Variants in CIAO2A observed in about 807,000 individuals in gnomAD.
The protein encoded by CIAO2A is MIP18 family protein FAM96A.
CIAO2A carries 17 observed loss-of-function variants against 22.4 expected under a neutral mutation model. The ratio of observed to expected loss-of-function variants is 0.76; its 90% CI spans 0.52 to 1.14. The LOEUF (loss-of-function observed/expected upper bound fraction) is 1.14. Ranked by LOEUF, CIAO2A falls within the 50% of genes most tolerant of loss-of-function variation. The pLI is 0.00. For synonymous variants in CIAO2A, 74 were observed against 72.3 expected, an observed-to-expected ratio of 1.02 and a Z score of -0.12; for missense variants, 192 against 191.4, an observed-to-expected ratio of 1.00 and a Z score of -0.02.
rs1341295336 is a variant in CIAO2A, at chr15:64,072,766, C to T, written c.*165G>A. The T allele has an allele frequency of 2.1e-6, 1 of 476,600 alleles. No homozygotes were observed. The highest frequency in any genetic ancestry group is 3.7e-6 in the Non-Finnish European group (1 of 268,792). 29.5% of individuals were successfully genotyped at this position (476,600 alleles called of 1,614,324 possible). A position where few individuals can be genotyped will look rare whatever the true frequency, so the allele number is the denominator to read the frequency against. ...AATCCTGAGAATGTTATACATTGAA[C>T]AAATTAGGTACTACCTTATAATTAA... is the stretch of plus-strand genomic sequence containing the variant. On this transcript the variant is annotated 3_prime_UTR_variant, in exon 5 of 5. Transcript: ENST00000300030.
At chr15:64,079,569 G>A (rs1567305532) in intron 3 of CIAO2A, among the ~76,000 whole-genome samples, 1 of 152,112 alleles carries the variant, frequency 6.6e-6, no homozygotes. Context: ...CATATGAGAT[G>A]GGAGGAAGGG....
At chr15:64,089,214 T>C (rs1382746846) in intron 1 of CIAO2A, among the ~76,000 whole-genome samples, 5 of 152,142 alleles carry the variant, frequency 3.3e-5, no homozygotes, top group Admixed American at 2.0e-4. Context: ...AACATTTCAA[T>C]ATTTGACATT....
chr15:64,091,943 C>T (rs1292444979), intron 1 of CIAO2A, among the ~76,000 whole-genome samples: 2 of 151,392 alleles, frequency 1.3e-5, no homozygotes, highest in Admixed American at 6.6e-5. Flanking sequence ...GCCTATGGTC[C>T]CAGTCAGTCA....
At chr15:64,084,355 T>G (rs1595956917) in intron 2 of CIAO2A, among the ~76,000 whole-genome samples, 1 of 152,276 alleles carries the variant, frequency 6.6e-6, no homozygotes, top group East Asian at 1.9e-4. Flanking sequence ...CGTCAAACAG[T>G]ATAAACTTCC....
rs562973247 is a variant in CIAO2A, at chr15:64,088,294, G to T, written c.289+393C>A. 1.2e-3 allele frequency among the ~76,000 whole-genome samples: 183 copies of T among 152,278 alleles called. 1 individual carries two copies. The highest frequency in any genetic ancestry group is 1.9e-3 in the South Asian group (9 of 4,822). ...ACCCACTCCAACCTCCAGAACTGAG[G>T]AAAAGCACTGGCCCACATGCACTCT... On this transcript the variant is annotated intron_variant, in intron 2 of 4. Transcript: ENST00000300030.
intron 1 of CIAO2A, among the ~76,000 whole-genome samples, chr15:64,089,714 A>C (rs1360676299): frequency 6.6e-6 from 1 of 152,132 alleles, no homozygotes; most frequent in Admixed American, 6.6e-5. Context: ...TCAGCTGGTA[A>C]CTCATCATCA....
rs549085896 is a variant in CIAO2A at position 64,086,272 on chromosome 15, C to T, written c.289+2415G>A. Among the ~76,000 whole-genome samples the T allele has an allele frequency of 1.8e-4, 27 of 151,358 alleles. No individual in the cohort carries two copies. In the East Asian group the frequency reaches 3.2e-3, roughly 18 times the overall value. On this transcript the variant is annotated intron_variant, in intron 2 of 4. Coordinates refer to ENST00000300030, the MANE Select transcript of CIAO2A (RefSeq NM_032231.7). ...AAAAATACAAAAAAAATTAGCCAGG[C>T]ATGGTGGCGGGCGCCTGTAATTGCA...
intron 2 of CIAO2A, among the ~76,000 whole-genome samples, chr15:64,082,517 C>T (rs973512045): frequency 3.3e-5 from 5 of 152,072 alleles, no homozygotes; most frequent in East Asian, 1.9e-4. Flanking sequence ...CATGAGCCAC[C>T]GCGCCCGACC....
chr15:64,090,597 T>C (rs1483341815), intron 1 of CIAO2A, among the ~76,000 whole-genome samples: 1 of 152,120 alleles, frequency 6.6e-6, no homozygotes, highest in Non-Finnish European at 1.5e-5. Flanking sequence ...GTTAATAACA[T>C]TAAATGCTGC....
chr15:64,090,630 G>A lies in CIAO2A; in HGVS notation c.125-1779C>T, dbSNP rs547808158. ...TGCAGAAAAATTCAGGCTCATGAGAGCTAAAACAGGTCTTTCATTTGTCAC... is the reference window on the plus strand; with the variant it reads ...TGCAGAAAAATTCAGGCTCATGAGAACTAAAACAGGTCTTTCATTTGTCAC... On this transcript the variant is annotated intron_variant, in intron 1 of 4. Coordinates refer to ENST00000300030, the MANE Select transcript of CIAO2A (RefSeq NM_032231.7). 2.6e-5 allele frequency among the ~76,000 whole-genome samples: 4 copies of A among 152,338 alleles called. No homozygotes were observed. In the East Asian group the frequency reaches 7.7e-4, roughly 29 times the overall value.
intron 3 of CIAO2A, among the ~76,000 whole-genome samples, chr15:64,077,522 G>A (rs1224505138): frequency 6.6e-6 from 1 of 152,182 alleles, no homozygotes; most frequent in Non-Finnish European, 1.5e-5. Flanking sequence ...GAGGGGAGCT[G>A]TTACCAATAA....
chr15:64,093,654 C>T lies in CIAO2A; in HGVS notation c.115G>A (p.Glu39Lys). The T allele has an allele frequency of 6.2e-7, 1 of 1,613,848 alleles. No homozygotes were observed. Among genetic ancestry groups the T allele is most frequent in the Non-Finnish European group, 8.5e-7 (1 of 1,179,902 alleles). The change falls in exon 1 of 5, where the codon GAA (glutamate) becomes AAA (lysine). Residue 39 changes from glutamate (E) to lysine (K), a missense_variant. By Grantham distance (56) the Glu-to-Lys change is moderately conservative (BLOSUM62 1). Transcript: ENST00000300030. ...GGGTAAAATTAATTACCATAAACTTCTAGCGCTTTCTCTTCCATGATCCGG... is the reference window on the plus strand; with the variant it reads ...GGGTAAAATTAATTACCATAAACTTTTAGCGCTTTCTCTTCCATGATCCGG... ...QPRIMEEKAL[E>K]VYDLIRTIRD...
In CIAO2A at chr15:64,087,300, C is replaced by T. The variant is rs1595959100; in HGVS notation, c.289+1387G>A. On this transcript the variant is annotated intron_variant, in intron 2 of 4. Coordinates refer to ENST00000300030, the MANE Select transcript of CIAO2A (RefSeq NM_032231.7). ...TAGAGACAGGGTTTCACCATGTTAC[C>T]CAGGATGGTCTCCATCTCCTGACCT... 2.6e-5 allele frequency among the ~76,000 whole-genome samples: 4 copies of T among 152,090 alleles called. 1 individual carries two copies. The highest frequency in any genetic ancestry group is 2.6e-4 in the Admixed American group (4 of 15,262).
At chr15:64,079,276 C>T (rs923074121) in intron 3 of CIAO2A, among the ~76,000 whole-genome samples, 3 of 152,084 alleles carry the variant, frequency 2.0e-5, no homozygotes, top group Admixed American at 6.5e-5. Context: ...CCCAGTGGTT[C>T]ATGCCTATAA....
At chr15:64,087,642 T>C (rs2080808168) in intron 2 of CIAO2A, among the ~76,000 whole-genome samples, 1 of 152,194 alleles carries the variant, frequency 6.6e-6, no homozygotes, top group Non-Finnish European at 1.5e-5. Flanking sequence ...GGTCAACCAG[T>C]GAGAAAAGAC....
chr15:64,076,484 A>G (rs943849997), intron 3 of CIAO2A, among the ~76,000 whole-genome samples: 1 of 152,096 alleles, frequency 6.6e-6, no homozygotes, highest in Non-Finnish European at 1.5e-5. Context: ...GCCCTGCTGC[A>G]CCTATAGACA....
chr15:64,087,670 AAAT>A (rs1357192672), intron 2 of CIAO2A, among the ~76,000 whole-genome samples: 2 of 152,364 alleles, frequency 1.3e-5, no homozygotes, highest in Non-Finnish European at 2.9e-5. Context: ...ACAATAGTGG[AAAT>A]AATAACGAAA....
At chr15:64,091,805 A>T (rs2080841390) in intron 1 of CIAO2A, among the ~76,000 whole-genome samples, 1 of 152,094 alleles carries the variant, frequency 6.6e-6, no homozygotes, top group Non-Finnish European at 1.5e-5. Context: ...CATGCCTGTA[A>T]TCCCAGCCTT....
chr15:64,075,389 T>C (rs750085632), intron 4 of CIAO2A, 103 bp downstream of exon 4: 1 of 722,280 alleles, frequency 1.4e-6, no homozygotes, highest in Non-Finnish European at 2.2e-6. Context: ...TGTGCACTTT[T>C]TTGAAAGTAA....
Sources: allele counts gnomAD v4.1 joint callset (sites outside exome capture counted in the v4.1 genomes callset), GRCh38; gene constraint gnomAD v4.1.1; transcripts MANE v1.5; gene names NCBI Gene and HGNC (gene_info 2026-07-23, HGNC 2026-07-21).